OSBPL8: variants seen among roughly 807,000 people sequenced by gnomAD.
OSBPL8 encodes the protein oxysterol-binding protein-related protein 8.
Under a neutral mutation model 125.5 loss-of-function variants are expected in OSBPL8, and 59 were observed. The observed-to-expected ratio is 0.47, with a 90% CI of 0.38 to 0.58. The LOEUF (loss-of-function observed/expected upper bound fraction) is 0.58, where lower values mean the gene tolerates loss of function less well. Among genes scored for constraint, OSBPL8 ranks in the 20% least tolerant of loss-of-function variants. The probability of loss-of-function intolerance (pLI) is 0.00; values close to 1 mark genes in which losing one functional copy is unlikely to be tolerated. For missense variants in OSBPL8, 758 were observed against 1,047.8 expected (o/e 0.72, Z 3.82); for synonymous variants, 330 against 338.9 (o/e 0.97, Z 0.29).
intron 2 of OSBPL8, among the ~76,000 whole-genome samples, chr12:76,481,500 C>T (rs1247866702): frequency 6.6e-6 from 1 of 152,004 alleles, no homozygotes; most frequent in African/African-American, 2.4e-5. Context: ...CAGAGTGGGG[C>T]AGGCCTGTAG....
At chr12:76,366,883 G>A (rs1252681265) in intron 21 of OSBPL8, among the ~76,000 whole-genome samples, 2 of 152,068 alleles carry the variant, frequency 1.3e-5, no homozygotes, top group African/African-American at 2.4e-5. Flanking sequence ...TACAACCTCC[G>A]TCTCCCAGGT....
intron 3 of OSBPL8, among the ~76,000 whole-genome samples, chr12:76,455,472 C>T (rs374155828): frequency 1.3e-5 from 2 of 152,104 alleles, no homozygotes; most frequent in East Asian, 3.9e-4. Context: ...CATAGGTGTC[C>T]ATGTCTTGAA....
intron 4 of OSBPL8, among the ~76,000 whole-genome samples, chr12:76,446,690 A>G (rs115366511): frequency 9.1e-4 from 138 of 152,196 alleles, no homozygotes; most frequent in African/African-American, 3.2e-3. Flanking sequence ...AGTAATGATA[A>G]TAATATTATT....
chr12:76,503,861 A>G (rs567241242), intron 1 of OSBPL8, among the ~76,000 whole-genome samples: 1 of 152,228 alleles, frequency 6.6e-6, no homozygotes, highest in South Asian at 2.1e-4. Flanking sequence ...GTATGTTTTT[A>G]AAGAGATATG....
chr12:76,497,106 C>G (rs1046636254), intron 1 of OSBPL8, among the ~76,000 whole-genome samples: 1 of 151,890 alleles, frequency 6.6e-6, no homozygotes, highest in Non-Finnish European at 1.5e-5. Flanking sequence ...AATACATGAA[C>G]TAAGTAAGGA....
intron 1 of OSBPL8, among the ~76,000 whole-genome samples, chr12:76,536,092 G>A (rs182067391): frequency 6.6e-6 from 1 of 151,954 alleles, no homozygotes; most frequent in Non-Finnish European, 1.5e-5. Context: ...GTGATATTGG[G>A]GGGGTGTGAG....
intron 6 of OSBPL8, 27 bp from the exon 7 acceptor site, chr12:76,400,001 T>A: frequency 6.5e-7 from 1 of 1,530,922 alleles, no homozygotes; most frequent in South Asian, 1.2e-5. Context: ...ATAGAAAAGA[T>A]AAAAACTCAA....
intron 1 of OSBPL8, among the ~76,000 whole-genome samples, chr12:76,525,416 A>G (rs1451632109): frequency 6.6e-6 from 1 of 152,232 alleles, no homozygotes; most frequent in African/African-American, 2.4e-5. Flanking sequence ...CTTATGTAAT[A>G]AGTCAAAGAA....
chr12:76,465,147 G>C (rs1033960509), intron 2 of OSBPL8, among the ~76,000 whole-genome samples: 31 of 152,140 alleles, frequency 2.0e-4, no homozygotes, highest in African/African-American at 7.5e-4. Context: ...GCTTATCACT[G>C]TTGGATAAAG....
chr12:76,539,049 TGG>T (rs35179694), intron 1 of OSBPL8, among the ~76,000 whole-genome samples: 15 of 99,558 alleles, frequency 1.5e-4, no homozygotes, highest in African/African-American at 2.5e-4. Flanking sequence ...ATTAAATAAC[TGG>T]GGGGGGGGAG....
intron 3 of OSBPL8, 37 bp downstream of exon 3, chr12:76,459,822 T>C: frequency 6.2e-7 from 1 of 1,611,532 alleles, no homozygotes; most frequent in Non-Finnish European, 8.5e-7. Flanking sequence ...AATATTATCA[T>C]GTCCCCAAAC....
Position 76,397,675 on chromosome 12 carries a change from G to T in OSBPL8, c.672+19C>A, listed in dbSNP as rs761422777. Reference sequence around the variant, plus strand: ...ATTATCATCTTTACCTTTCACCTATGTAACAAGGGCTTACATACCTTCACT... The same window carrying T: ...ATTATCATCTTTACCTTTCACCTATTTAACAAGGGCTTACATACCTTCACT... On this transcript the variant is annotated intron_variant, in intron 8 of 23. Transcript: ENST00000261183. 6 of 1,606,780 alleles carry T rather than the reference G, an allele frequency of 3.7e-6. No individual in the cohort carries two copies. The highest frequency in any genetic ancestry group is 5.1e-6 in the Non-Finnish European group (6 of 1,174,070).
chr12:76,542,328 T>A (rs949057571), intron 1 of OSBPL8, among the ~76,000 whole-genome samples: 12 of 152,232 alleles, frequency 7.9e-5, no homozygotes, highest in African/African-American at 2.9e-4. Flanking sequence ...TTCATTCTAG[T>A]AGAGATGCTT....
Position 76,499,364 on chromosome 12 carries a change from T to G in OSBPL8, c.-67-11746A>C, listed in dbSNP as rs568324287. 4.7e-5 allele frequency among the ~76,000 whole-genome samples: 7 copies of G among 150,512 alleles called. No individual in the cohort carries two copies. The South Asian group carries it at 1.5e-3, about 32-fold the overall frequency. On this transcript the variant is annotated intron_variant, in intron 1 of 23. Transcript: ENST00000261183. ...TATCTATCTATCATCTATCTATCTA[T>G]CTAATCTATCTAATCTATCTATATC...
intron 1 of OSBPL8, among the ~76,000 whole-genome samples, chr12:76,488,460 G>T (rs966747921): frequency 3.9e-5 from 6 of 152,132 alleles, no homozygotes; most frequent in African/African-American, 1.2e-4. Flanking sequence ...ATGAAGGTTG[G>T]TGACAGCCTT....
chr12:76,551,971 T>C (rs1242339608), intron 1 of OSBPL8, among the ~76,000 whole-genome samples: 2 of 152,196 alleles, frequency 1.3e-5, no homozygotes, highest in East Asian at 1.9e-4. Flanking sequence ...ATTTAGGGAC[T>C]GTAGAACATT....
intron 3 of OSBPL8, among the ~76,000 whole-genome samples, chr12:76,457,197 T>C (rs138532346): frequency 1.1e-3 from 164 of 152,318 alleles, no homozygotes; most frequent in African/African-American, 3.6e-3. Flanking sequence ...CTCATAGTAA[T>C]AACAGGAAGT....
chr12:76,538,895 A>G (rs1442609423), intron 1 of OSBPL8, among the ~76,000 whole-genome samples: 1 of 151,954 alleles, frequency 6.6e-6, no homozygotes, highest in Admixed American at 6.6e-5. Context: ...GTGAGCCAAG[A>G]TCACAACACT....
At chr12:76,383,062 A>C (rs1953130731) in intron 15 of OSBPL8, among the ~76,000 whole-genome samples, 1 of 152,210 alleles carries the variant, frequency 6.6e-6, no homozygotes, top group Non-Finnish European at 1.5e-5. Flanking sequence ...CCATATGTTT[A>C]CCAATTCTGA....
Sources: allele counts gnomAD v4.1 joint callset (sites outside exome capture counted in the v4.1 genomes callset), GRCh38; gene constraint gnomAD v4.1.1; transcripts MANE v1.5; gene names NCBI Gene and HGNC (gene_info 2026-07-23, HGNC 2026-07-21).